The following CSF1R variants were observed in gnomAD, a reference collection of about 807,000 sequenced individuals.
CSF1R encodes colony stimulating factor 1 receptor.
In CSF1R, 40 loss-of-function variants were observed where a neutral mutation model predicts 110.0. That is an observed-to-expected ratio of 0.36 (90% confidence interval 0.28 to 0.47). The LOEUF is 0.47. Among genes scored for constraint, CSF1R ranks in the 20% least tolerant of loss-of-function variants. The pLI is 0.99. For missense variants in CSF1R, 1,052 were observed against 1,253.0 expected (o/e 0.84, Z 2.42); for synonymous variants, 523 against 503.4 (o/e 1.04, Z -0.52).
chr5:150,098,732 T>C (rs1163376570), intron 1 of CSF1R, among the ~76,000 whole-genome samples: 3 of 152,042 alleles, frequency 2.0e-5, no homozygotes. Flanking sequence ...AATGATAAGA[T>C]AATTTGCCAT....
intron 5 of CSF1R, chr5:150,076,862 G>A (rs181013060): frequency 5.9e-5 from 14 of 238,310 alleles, no homozygotes; most frequent in East Asian, 2.0e-4. Flanking sequence ...CCACCTTCTC[G>A]AAGCCTGGGT....
intron 1 of CSF1R, chr5:150,094,453 A>G (rs1581342597): frequency 6.3e-7 from 1 of 1,597,900 alleles, no homozygotes; most frequent in East Asian, 2.2e-5. Flanking sequence ...AAGCTTATCT[A>G]TGAAAAAGCA....
Position 150,079,992 on chromosome 5 carries a change from G to GC in CSF1R, c.592+59dup. ...CCAGTCCCCAGTCACCACCCATGTG[G>GC]CCGCCGGCTCTCTGTCCCCACTCTT... On this transcript the variant is annotated intron_variant, in intron 3 of 20. Coordinates refer to ENST00000675795, the MANE Select transcript of CSF1R (RefSeq NM_001288705.3). 2.5e-6 allele frequency: 4 copies of GC among 1,569,046 alleles called. No individual in the cohort carries two copies. The South Asian group carries it at 4.8e-5, about 19-fold the overall frequency.
chr5:150,107,089 A>C (rs1759580146), intron 1 of CSF1R, among the ~76,000 whole-genome samples: 1 of 152,220 alleles, frequency 6.6e-6, no homozygotes, highest in Non-Finnish European at 1.5e-5. Context: ...AGAAATGTAT[A>C]AACAATCCAA....
At chr5:150,102,164 G>C (rs973870960) in intron 1 of CSF1R, among the ~76,000 whole-genome samples, 3 of 152,054 alleles carry the variant, frequency 2.0e-5, no homozygotes, top group Non-Finnish European at 4.4e-5. Context: ...AAGTGGGATC[G>C]CCGGGTCAAA....
At chr5:150,068,890 C>T (rs538215035) in intron 9 of CSF1R, among the ~76,000 whole-genome samples, 2 of 152,350 alleles carry the variant, frequency 1.3e-5, no homozygotes, top group South Asian at 4.1e-4. Context: ...ATAATTTCCA[C>T]TTCCTTGCTC....
upstream of CSF1R, chr5:150,086,681 A>T (rs1758861488): frequency 2.2e-6 from 1 of 450,680 alleles, no homozygotes. Context: ...CCCAAGAGGG[A>T]GGGGTCGCAG....
At chr5:150,057,740 T>C (rs1224225527) in intron 14 of CSF1R, 148 bp from the exon 15 acceptor site, 2 of 640,476 alleles carry the variant, frequency 3.1e-6, no homozygotes, top group African/African-American at 3.6e-5. Flanking sequence ...TGAGTGAGCA[T>C]TGGTCTCTGC....
At chr5:150,082,151 C>G (rs1299970351) in intron 1 of CSF1R, among the ~76,000 whole-genome samples, 1 of 152,250 alleles carries the variant, frequency 6.6e-6, no homozygotes, top group African/African-American at 2.4e-5. Flanking sequence ...AGGCTGGGCT[C>G]TGACGCTGAC....
chr5:150,054,865 C>T, intron 19 of CSF1R: 1 of 260,388 alleles, frequency 3.8e-6, no homozygotes, highest in East Asian at 9.1e-5. Context: ...TGGTGCACAC[C>T]TGTAGTCCCA....
At chr5:150,064,143 G>A (rs1415945053) in intron 10 of CSF1R, among the ~76,000 whole-genome samples, 2 of 152,160 alleles carry the variant, frequency 1.3e-5, no homozygotes, top group East Asian at 3.8e-4. Flanking sequence ...CAGACACTGG[G>A]GGCTACTAGA....
rs545534658 is a variant in CSF1R, at chr5:150,070,217, G to T, written c.1284C>A (p.Asn428Lys). ...LCAASGYPQP[N>K]VTWLQCSGHT... ...GGCCACTGCACTGCAGCCATGTCAC[G>T]TTGGGCTGGGGGTACCCAGAGGCAG... The change falls in exon 8 of 21, where the codon AAC becomes AAA. Residue 428 changes from asparagine to lysine, a missense_variant. This residue lies in a region of CSF1R where 693 missense variants were observed against 735.4 expected (regional missense o/e 0.94). Transcript: ENST00000675795. 1.2e-6 allele frequency: 2 copies of T among 1,614,118 alleles called. No individual in the cohort carries two copies. Among genetic ancestry groups the T allele is most frequent in the Non-Finnish European group, 8.5e-7 (1 of 1,180,012 alleles).
At position 150,104,114 on chromosome 5, in the gene CSF1R, G is replaced by A. The variant is rs760900434; in HGVS notation, c.-181+9147C>T. ...AGGCCACTGCCTTTGAGAGTCCCTG[G>A]ATGGCCTTGAGGAAACCTGGGCACC... On this transcript the variant is annotated intron_variant, in intron 1 of 21. Transcript: ENST00000286301. 2.0e-5 allele frequency among the ~76,000 whole-genome samples: 3 copies of A among 152,214 alleles called. No homozygotes were observed. In the East Asian group the frequency reaches 5.8e-4, roughly 29 times the overall value.
chr5:150,077,525 A>G (rs1472053965), intron 4 of CSF1R, 90 bp from the exon 5 acceptor site: 1 of 1,383,520 alleles, frequency 7.2e-7, no homozygotes. Context: ...AAGGATTACT[A>G]TCTGCCTTTC....
At chr5:150,056,502 G>A (rs907807042) in intron 16 of CSF1R, among the ~76,000 whole-genome samples, 161 bp from the exon 17 acceptor site, 1 of 152,094 alleles carries the variant, frequency 6.6e-6, no homozygotes, top group African/African-American at 2.4e-5. Context: ...TTCTACCAGG[G>A]CCCAGGATCT....
intron 19 of CSF1R, among the ~76,000 whole-genome samples, chr5:150,054,984 A>T (rs889153131): frequency 7.5e-6 from 1 of 134,170 alleles, no homozygotes; most frequent in African/African-American, 3.1e-5. Context: ...ACAGAGCAAG[A>T]TGCTGTCTCA....
intron 3 of CSF1R, 104 bp downstream of exon 3, chr5:150,079,948 C>A (rs1581321665): frequency 1.5e-6 from 2 of 1,342,418 alleles, no homozygotes. Flanking sequence ...AGAGGACATC[C>A]CACTGCCCCC....
rs1322393366 is a variant in CSF1R at position 150,104,355 on chromosome 5, G to T, written c.-181+8906C>A. Among the ~76,000 whole-genome samples the T allele has an allele frequency of 2.0e-5, 3 of 152,362 alleles. No homozygotes were observed. In the East Asian group the frequency reaches 5.8e-4, roughly 29 times the overall value. On this transcript the variant is annotated intron_variant, in intron 1 of 21. Transcript: ENST00000286301. ...GTCTCTGTCCCCACGATCAAAGGAT[G>T]CTGCTTGTCCTGTCATTTCTATCCA...
chr5:150,097,126 G>A (rs1027832474), intron 1 of CSF1R, among the ~76,000 whole-genome samples: 4 of 152,128 alleles, frequency 2.6e-5, no homozygotes, highest in Non-Finnish European at 5.9e-5. Flanking sequence ...ACCTAGCATG[G>A]TGATGCACAC....
Sources: allele counts gnomAD v4.1 joint callset (sites outside exome capture counted in the v4.1 genomes callset), GRCh38; gene constraint gnomAD v4.1.1; regional missense constraint gnomAD v4.1.1; transcripts MANE v1.5; gene names NCBI Gene and HGNC (gene_info 2026-07-23, HGNC 2026-07-21).